RGS17: variants seen among roughly 807,000 people sequenced by gnomAD.
RGS17 encodes regulator of G protein signaling 17.
RGS17 carries 12 observed loss-of-function variants against 25.5 expected under a neutral mutation model. The observed-to-expected ratio is 0.47, with a 90% CI of 0.30 to 0.76. RGS17 has a LOEUF of 0.76. Among genes scored for constraint, RGS17 ranks in the 30% least tolerant of loss-of-function variants. The probability of loss-of-function intolerance (pLI) is 0.07; values close to 1 mark genes in which losing one functional copy is unlikely to be tolerated. For missense variants in RGS17, 196 were observed against 242.2 expected, an observed-to-expected ratio of 0.81 and a Z score of 1.27; for synonymous variants, 71 against 76.9, an observed-to-expected ratio of 0.92 and a Z score of 0.40.
At chr6:153,091,223 T>G (rs1476788946) in intron 1 of RGS17, among the ~76,000 whole-genome samples, 2 of 152,164 alleles carry the variant, frequency 1.3e-5, no homozygotes, top group African/African-American at 4.8e-5. Flanking sequence ...TATTCACATG[T>G]TGTTGCTGCC....
chr6:153,024,267 T>G lies in RGS17; in HGVS notation c.439A>C (p.Lys147Gln), dbSNP rs945666234. The part of the protein sequence containing the change: ...YEDYISILSP[K>Q]EVSLDSRVRE... ...AATGTTTTCCAGATTTTTACCTCTT[T>G]TGGTGATAGTATAGAAATGTAATCT... The change falls in exon 4 of 5, where the codon AAA (lysine) becomes CAA (glutamine). Residue 147 changes from lysine to glutamine, a missense_variant. Lys to Gln is a moderately conservative substitution (Grantham distance 53). Transcript: ENST00000206262. 13 of 1,602,968 alleles carry G rather than the reference T, an allele frequency of 8.1e-6. No individual in the cohort carries two copies. The highest frequency in any genetic ancestry group is 1.1e-5 in the Non-Finnish European group (13 of 1,171,202).
intron 2 of RGS17, among the ~76,000 whole-genome samples, chr6:153,042,445 T>A (rs577906449): frequency 6.1e-4 from 93 of 152,266 alleles, no homozygotes; most frequent in Non-Finnish European, 1.3e-3. Flanking sequence ...AAAGGGCAGT[T>A]CCCCTGCACA....
intron 1 of RGS17, among the ~76,000 whole-genome samples, chr6:153,065,246 A>C (rs1403530471): frequency 2.0e-5 from 3 of 152,232 alleles, no homozygotes. Flanking sequence ...ACAAGAGGAT[A>C]TAACAATTTT....
At chr6:153,128,992 T>C (rs1282730991) in intron 1 of RGS17, among the ~76,000 whole-genome samples, 1 of 152,226 alleles carries the variant, frequency 6.6e-6, no homozygotes, top group East Asian at 1.9e-4. Context: ...TTATGTTATT[T>C]GTTCTGTAAA....
At chr6:153,084,719 T>C (rs775826444) in intron 1 of RGS17, among the ~76,000 whole-genome samples, 16 of 152,154 alleles carry the variant, frequency 1.1e-4, no homozygotes, top group Non-Finnish European at 2.1e-4. Context: ...ATTAATGTAA[T>C]AGGACGTTTT....
At position 153,016,492 on chromosome 6, in the gene RGS17, G is replaced by C. The variant is rs377111770; in HGVS notation, c.445-4730C>G. Among the ~76,000 whole-genome samples the C allele has an allele frequency of 1.3e-3, 191 of 152,274 alleles. 2 individuals are homozygous for C. The highest frequency in any genetic ancestry group is 4.5e-3 in the African/African-American group (186 of 41,558). On this transcript the variant is annotated intron_variant, in intron 4 of 4. Coordinates refer to ENST00000206262, the MANE Select transcript of RGS17 (RefSeq NM_012419.5). Reference sequence around the variant, plus strand: ...TTAAAAAGTAGTATCATTAAATATAGTGTAAAAGTTTCTTCTCAGTAGAAG... The same window carrying C: ...TTAAAAAGTAGTATCATTAAATATACTGTAAAAGTTTCTTCTCAGTAGAAG...
chr6:153,107,202 G>A (rs1322564892), intron 1 of RGS17, among the ~76,000 whole-genome samples: 2 of 151,792 alleles, frequency 1.3e-5, no homozygotes, highest in Admixed American at 1.3e-4. Context: ...GCATGGTGGT[G>A]GGCGCCTGTA....
intron 2 of RGS17, among the ~76,000 whole-genome samples, chr6:153,027,827 T>C (rs1348611901): frequency 2.0e-5 from 3 of 152,216 alleles, no homozygotes; most frequent in Non-Finnish European, 2.9e-5. Context: ...CCACTTACTA[T>C]GTGAATGCAA....
intron 1 of RGS17, among the ~76,000 whole-genome samples, chr6:153,111,924 C>T (rs567876650): frequency 4.6e-5 from 7 of 152,222 alleles, no homozygotes; most frequent in Admixed American, 2.0e-4. Context: ...AAACCCCATC[C>T]GAAGGTCACC....
chr6:153,044,819 C>T (rs916494000), intron 1 of RGS17, among the ~76,000 whole-genome samples: 4 of 152,092 alleles, frequency 2.6e-5, no homozygotes, highest in African/African-American at 7.2e-5. Flanking sequence ...ACAAATAAGG[C>T]CAAATGAGTT....
At chr6:153,074,055 C>T (rs990477939) in intron 1 of RGS17, among the ~76,000 whole-genome samples, 14 of 152,178 alleles carry the variant, frequency 9.2e-5, no homozygotes, top group Admixed American at 3.9e-4. Context: ...GTAACAATTC[C>T]GTTGCATTTT....
intron 2 of RGS17, among the ~76,000 whole-genome samples, chr6:153,030,839 G>C (rs2129107833): frequency 6.6e-6 from 1 of 152,288 alleles, no homozygotes; most frequent in South Asian, 2.1e-4. Context: ...AGCTCAGACG[G>C]GTAAATAAAC....
At chr6:153,060,349 A>G (rs1054152827) in intron 1 of RGS17, among the ~76,000 whole-genome samples, 1 of 152,132 alleles carries the variant, frequency 6.6e-6, no homozygotes, top group Non-Finnish European at 1.5e-5. Context: ...CGGACATCCT[A>G]AACAGTCTCA....
rs183015796 is a variant in RGS17, at chr6:153,031,171, A to C, written c.120-4628T>G. On this transcript the variant is annotated intron_variant, in intron 2 of 4. Coordinates refer to ENST00000206262, the MANE Select transcript of RGS17 (RefSeq NM_012419.5). ...GTTATCCAAGAAAATGATGAGGTGG[A>C]CTCCAAATGTAGAATATACCTCCTT... Among the ~76,000 whole-genome samples the C allele has an allele frequency of 1.2e-4, 18 of 152,232 alleles. No individual in the cohort carries two copies. In the East Asian group the frequency reaches 1.9e-3, roughly 16 times the overall value.
chr6:153,028,425 G>T (rs1779326730), intron 2 of RGS17, among the ~76,000 whole-genome samples: 1 of 152,156 alleles, frequency 6.6e-6, no homozygotes, highest in East Asian at 1.9e-4. Context: ...AATTTTGGAG[G>T]TATTTGCGTG....
chr6:153,059,302 C>T (rs529025641), intron 1 of RGS17, among the ~76,000 whole-genome samples: 25 of 152,162 alleles, frequency 1.6e-4, no homozygotes, highest in African/African-American at 4.6e-4. Context: ...CATTATTCGA[C>T]AGAGCTGTTT....
chr6:153,095,568 G>A lies in RGS17; in HGVS notation c.-26+35556C>T, dbSNP rs550300388. Among the ~76,000 whole-genome samples the A allele has an allele frequency of 2.0e-5, 3 of 152,146 alleles. No individual in the cohort carries two copies. The East Asian group carries it at 5.8e-4, about 29-fold the overall frequency. On this transcript the variant is annotated intron_variant, in intron 1 of 4. Transcript: ENST00000206262. ...GATATTAGATACATTATTTTATAGA[G>A]ATATAAAATTGAATTTCGAAAACTA...
chr6:153,120,675 C>T (rs1562339572), intron 1 of RGS17, among the ~76,000 whole-genome samples: 1 of 152,182 alleles, frequency 6.6e-6, no homozygotes, highest in Non-Finnish European at 1.5e-5. Context: ...AGGAAAATTC[C>T]ACCTTTTTAC....
At chr6:153,105,769 C>T (rs1051853728) in intron 1 of RGS17, among the ~76,000 whole-genome samples, 2 of 152,154 alleles carry the variant, frequency 1.3e-5, no homozygotes, top group African/African-American at 4.8e-5. Flanking sequence ...GTGGCTGAGG[C>T]ATAAGGTGTC....
Sources: allele counts gnomAD v4.1 joint callset (sites outside exome capture counted in the v4.1 genomes callset), GRCh38; gene constraint gnomAD v4.1.1; transcripts MANE v1.5; gene names NCBI Gene and HGNC (gene_info 2026-07-23, HGNC 2026-07-21).